Variants in LRRC1 observed in about 807,000 individuals in gnomAD.
LRRC1 encodes the protein leucine rich repeat containing 1.
A neutral mutation model predicts 69.9 loss-of-function variants in LRRC1; 28 were observed. That is an observed-to-expected ratio of 0.40 (90% CI 0.30 to 0.55). The LOEUF (loss-of-function observed/expected upper bound fraction) is 0.55. Ranked by LOEUF, LRRC1 falls within the 20% of genes least tolerant of loss-of-function variation. The pLI is 0.47. For synonymous variants in LRRC1, 236 were observed against 240.2 expected, an observed-to-expected ratio of 0.98 and a Z score of 0.16; for missense variants, 498 against 609.0, an observed-to-expected ratio of 0.82 and a Z score of 1.92.
intron 2 of LRRC1, among the ~76,000 whole-genome samples, chr6:53,856,367 A>C (rs1439048881): frequency 6.6e-6 from 1 of 152,182 alleles, no homozygotes; most frequent in Non-Finnish European, 1.5e-5. Flanking sequence ...CCGTGATGAC[A>C]CAGGACAGTG....
In LRRC1 at chr6:53,850,787, G is replaced by A. The variant is rs543862387; in HGVS notation, c.277+8560G>A. On this transcript the variant is annotated intron_variant, in intron 2 of 13. Coordinates refer to ENST00000370888, the MANE Select transcript of LRRC1 (RefSeq NM_018214.5). The stretch of plus-strand genomic sequence containing the variant: ...ATTACCTTGGGGAAGTAGGTGGTAA[G>A]AGGCTGTGCTCCATAGAGTCTTTCA... Among the ~76,000 whole-genome samples, 11 of 152,336 alleles carry A rather than the reference G, an allele frequency of 7.2e-5. No individual in the cohort carries two copies. In the South Asian group the frequency reaches 2.3e-3, roughly 32 times the overall value.
intron 1 of LRRC1, among the ~76,000 whole-genome samples, chr6:53,837,182 T>TTA (rs764753346): frequency 1.4e-5 from 2 of 139,190 alleles, no homozygotes; most frequent in Admixed American, 1.6e-4. Flanking sequence ...AAGCACATTT[T>TTA]TATATATATA....
intron 1 of LRRC1, among the ~76,000 whole-genome samples, chr6:53,841,052 G>A (rs570328961): frequency 6.6e-6 from 1 of 152,274 alleles, no homozygotes; most frequent in South Asian, 2.1e-4. Context: ...ATTAGTGTCT[G>A]CAAGTCTGTG....
In LRRC1 at chr6:53,798,276, C is replaced by A. The variant is rs551075015; in HGVS notation, c.159+2861C>A. On this transcript the variant is annotated intron_variant, in intron 1 of 13. Coordinates refer to ENST00000370888, the MANE Select transcript of LRRC1 (RefSeq NM_018214.5). Reference sequence around the variant, plus strand: ...CTTTTTGCATCCACCTACTTCTCCCCCATACCCGCAGTTTGATCCTTTTTG... The same window carrying A: ...CTTTTTGCATCCACCTACTTCTCCCACATACCCGCAGTTTGATCCTTTTTG... 1.1e-3 allele frequency among the ~76,000 whole-genome samples: 168 copies of A among 152,360 alleles called. 1 individual carries two copies. The highest frequency in any genetic ancestry group is 2.2e-3 in the Non-Finnish European group (147 of 68,034).
chr6:53,795,830 C>G (rs1335582764), intron 1 of LRRC1, among the ~76,000 whole-genome samples: 1 of 152,236 alleles, frequency 6.6e-6, no homozygotes, highest in African/African-American at 2.4e-5. Flanking sequence ...CACCAAGGGC[C>G]GGGCGCGCCT....
intron 2 of LRRC1, among the ~76,000 whole-genome samples, chr6:53,850,158 TAACTC>T (rs1192433229): frequency 2.0e-5 from 3 of 151,012 alleles, no homozygotes; most frequent in East Asian, 2.0e-4. Flanking sequence ...AAATAACAAA[TAACTC>T]TACAGGCACA....
At chr6:53,919,454 T>G in intron 11 of LRRC1, 44 bp from the exon 12 acceptor site, 18 of 1,414,332 alleles carry the variant, frequency 1.3e-5, no homozygotes, top group East Asian at 2.6e-5. Flanking sequence ...TTACAAAATT[T>G]GAGGTTGTGA....
chr6:53,867,384 A>G (rs1024706983), intron 2 of LRRC1, among the ~76,000 whole-genome samples: 2 of 152,120 alleles, frequency 1.3e-5, no homozygotes, highest in Middle Eastern at 3.2e-3. Context: ...GGACTGTAGT[A>G]ATGTTTATAT....
chr6:53,918,743 T>TG (rs1488390542), intron 11 of LRRC1, among the ~76,000 whole-genome samples: 10 of 152,254 alleles, frequency 6.6e-5, no homozygotes, highest in African/African-American at 2.4e-4. Flanking sequence ...AGCCAATCTG[T>TG]GAAATCTTTG....
chr6:53,904,086 C>G (rs1242271149), intron 9 of LRRC1, among the ~76,000 whole-genome samples: 1 of 152,372 alleles, frequency 6.6e-6, no homozygotes, highest in East Asian at 1.9e-4. Context: ...GGTGCAAATT[C>G]TCACTTCCTT....
intron 1 of LRRC1, among the ~76,000 whole-genome samples, chr6:53,834,056 T>C (rs1284054412): frequency 6.6e-6 from 1 of 152,226 alleles, no homozygotes; most frequent in Non-Finnish European, 1.5e-5. Flanking sequence ...ACCTCCCCTA[T>C]TGCCTTCAGA....
chr6:53,847,133 T>C (rs969160128), intron 2 of LRRC1, among the ~76,000 whole-genome samples: 2 of 152,258 alleles, frequency 1.3e-5, no homozygotes, highest in African/African-American at 4.8e-5. Flanking sequence ...AAAGTTATCC[T>C]TTTATTTTCA....
At chr6:53,886,249 A>T (rs2127432519) in intron 4 of LRRC1, among the ~76,000 whole-genome samples, 1 of 152,340 alleles carries the variant, frequency 6.6e-6, no homozygotes, top group East Asian at 1.9e-4. Flanking sequence ...ATTGATATAA[A>T]CAAGAGTTAA....
At chr6:53,893,275 T>C (rs977717995) in intron 4 of LRRC1, among the ~76,000 whole-genome samples, 13 of 152,128 alleles carry the variant, frequency 8.5e-5, no homozygotes, top group African/African-American at 3.1e-4. Flanking sequence ...AAATCGAGAT[T>C]CAGCAGTAAA....
chr6:53,812,552 T>C (rs1391623610), intron 1 of LRRC1, among the ~76,000 whole-genome samples: 1 of 151,128 alleles, frequency 6.6e-6, no homozygotes, highest in Non-Finnish European at 1.5e-5. Flanking sequence ...CAGCCGGGCG[T>C]GGTGGCGGGC....
At chr6:53,871,711 A>C (rs1418974993) in intron 2 of LRRC1, among the ~76,000 whole-genome samples, 1 of 152,126 alleles carries the variant, frequency 6.6e-6, no homozygotes, top group East Asian at 1.9e-4. Context: ...CTTGTTGCCC[A>C]GGCTTGGGTG....
intron 8 of LRRC1, among the ~76,000 whole-genome samples, chr6:53,901,487 G>A (rs1044662074): frequency 2.0e-5 from 3 of 151,730 alleles, no homozygotes; most frequent in Non-Finnish European, 4.4e-5. Context: ...TTGAGGCTGC[G>A]GTGAGCCGTG....
chr6:53,845,371 AC>A (rs1765910940), intron 2 of LRRC1, among the ~76,000 whole-genome samples: 1 of 152,174 alleles, frequency 6.6e-6, no homozygotes. Context: ...TAATCTGAAT[AC>A]CCTAGGTAAC....
chr6:53,859,449 C>T lies in LRRC1; in HGVS notation c.277+17222C>T, dbSNP rs140364145. Among the ~76,000 whole-genome samples, 30 of 152,266 alleles carry T rather than the reference C, an allele frequency of 2.0e-4. No homozygotes were observed. The East Asian group carries it at 5.0e-3, about 25-fold the overall frequency. On this transcript the variant is annotated intron_variant, in intron 2 of 13. Coordinates refer to ENST00000370888, the MANE Select transcript of LRRC1 (RefSeq NM_018214.5). ...AGAAAATTCATGCAACTCTAAATTGCAGCTAGGAGCCATTCATAAAATAGC... is the reference window on the plus strand; with the variant it reads ...AGAAAATTCATGCAACTCTAAATTGTAGCTAGGAGCCATTCATAAAATAGC...
Sources: gnomAD v4.1 joint callset for allele counts (sites outside exome capture counted in the v4.1 genomes callset) on GRCh38, gnomAD v4.1.1 for gene constraint, MANE v1.5 for transcripts, NCBI Gene and HGNC (gene_info 2026-07-23, HGNC 2026-07-21) for gene names.